ANKRD24: variants seen among roughly 807,000 people sequenced by gnomAD.
ANKRD24 encodes the protein ankyrin repeat domain-containing protein 24.
In ANKRD24, 109 loss-of-function variants were observed where a neutral mutation model predicts 127.8. The ratio of observed to expected loss-of-function variants is 0.85; its 90% CI spans 0.73 to 1.00. The LOEUF (loss-of-function observed/expected upper bound fraction) is 1.00. ANKRD24 is among the 50% of genes least tolerant of loss of function. The pLI is 0.00. For missense variants in ANKRD24, 1,648 were observed against 1,570.2 expected (o/e 1.05, Z -0.84); for synonymous variants, 743 against 671.1 (o/e 1.11, Z -1.66).
Position 4,212,694 on chromosome 19 carries a change from T to C in ANKRD24, c.1193T>C (p.Leu398Pro), listed in dbSNP as rs1295200227. ...VESLQSRLSL[L>P]ENERENTSYD... ...AGTTTGCAGAGCCGGCTGTCCCTGC[T>C]GGAGGTAGGAGCAGTGATGAGTCAG... is the stretch of plus-strand genomic sequence containing the variant. The change falls in exon 15 of 22, where the codon CTG becomes CCG. Residue 398 changes from leucine to proline, a missense_variant. Leu to Pro is a moderately conservative substitution (Grantham distance 98, BLOSUM62 -3). Coordinates refer to ENST00000318934, the MANE Select transcript of ANKRD24 (RefSeq NM_001393985.1). The C allele has an allele frequency of 2.6e-6, 4 of 1,550,584 alleles. No homozygotes were observed. In the Admixed American group the frequency reaches 5.9e-5, roughly 23 times the overall value.
At position 4,224,771 on chromosome 19, in the gene ANKRD24, C is replaced by T. The variant is rs993540185; in HGVS notation, c.*266C>T. On this transcript the variant is annotated 3_prime_UTR_variant, in exon 22 of 22. Transcript: ENST00000318934. ...AGACTGTGATTCCCTGTGTCCTCCACATCCAGACGCCAGCCCAGGAATAAA... is the reference window on the plus strand; with the variant it reads ...AGACTGTGATTCCCTGTGTCCTCCATATCCAGACGCCAGCCCAGGAATAAA... 23 of 521,606 alleles carry T rather than the reference C, an allele frequency of 4.4e-5. No individual in the cohort carries two copies. The highest frequency in any genetic ancestry group is 3.3e-4 in the African/African-American group (17 of 52,260). The allele number at this position is 521,606 out of a possible 1,614,324, so 32.3% of individuals were successfully genotyped here. A position where few individuals can be genotyped will look rare whatever the true frequency, so the allele number is the denominator to read the frequency against.
intron 7 of ANKRD24, among the ~76,000 whole-genome samples, chr19:4,203,331 G>T (rs965068073): frequency 6.6e-6 from 1 of 152,078 alleles, no homozygotes; most frequent in Non-Finnish European, 1.5e-5. Flanking sequence ...TTACAGGCGT[G>T]AGCCACCGCT....
intron 2 of ANKRD24, among the ~76,000 whole-genome samples, chr19:4,197,803 G>T (rs918749303): frequency 9.2e-5 from 14 of 152,150 alleles, no homozygotes; most frequent in Non-Finnish European, 1.8e-4. Context: ...ATAAGTGAAT[G>T]AACGAATGGG....
intron 5 of ANKRD24, among the ~76,000 whole-genome samples, chr19:4,200,680 C>T (rs1454063660): frequency 6.6e-6 from 1 of 152,066 alleles, no homozygotes; most frequent in African/African-American, 2.4e-5. Context: ...CACCACCATG[C>T]CCAGTTAATT....
intron 20 of ANKRD24, 63 bp from the exon 21 acceptor site, chr19:4,224,064 G>A (rs961885829): frequency 7.8e-6 from 11 of 1,409,400 alleles, no homozygotes; most frequent in Non-Finnish European, 1.1e-5. Context: ...GTGCTTTTTG[G>A]TGTGTTTTGC....
At position 4,207,868 on chromosome 19, in the gene ANKRD24, T is replaced by C; in HGVS notation, c.732T>C (p.Asp244=). 6.4e-7 allele frequency: 1 copy of C among 1,561,338 alleles called. No homozygotes were observed. Among genetic ancestry groups the C allele is most frequent in the Non-Finnish European group, 8.7e-7 (1 of 1,155,442 alleles). The change falls in exon 10 of 22, where the codon GAT becomes GAC. Residue 244 remains aspartate, a synonymous_variant. Transcript: ENST00000318934. ...LQGGAQPGIT[D]ALGQDAAHYG... The stretch of plus-strand genomic sequence containing the variant: ...GCGGAGCCCAGCCGGGCATCACCGA[T>C]GCGCTGGGGCAGGACGCGGCTCACT...
intron 7 of ANKRD24, among the ~76,000 whole-genome samples, chr19:4,204,305 C>G (rs1042183153): frequency 6.6e-6 from 1 of 152,090 alleles, no homozygotes; most frequent in African/African-American, 2.4e-5. Context: ...GCACTGGAGC[C>G]CATCATAAAT....
chr19:4,198,282 C>T lies in ANKRD24; in HGVS notation c.37-1401C>T, dbSNP rs1239108077. The T allele has an allele frequency of 4.6e-6, 2 of 434,706 alleles. No homozygotes were observed. Among genetic ancestry groups the T allele is most frequent in the Non-Finnish European group, 8.1e-6 (2 of 245,690 alleles). The allele number at this position is 434,706 out of a possible 1,614,324, so 26.9% of individuals were successfully genotyped here. ...CCCCCAGCCCCCTACCTGGGTCTTC[C>T]CATTCCATCCCGTGGGGGAGGGGGC... On this transcript the variant is annotated intron_variant, in intron 2 of 21. Transcript: ENST00000318934. The surrounding 1 kb of genome is among the most constrained non-coding windows in gnomAD (Gnocchi z 6.1).
chr19:4,218,649 A>G (rs1442877219), intron 18 of ANKRD24, among the ~76,000 whole-genome samples: 4 of 150,632 alleles, frequency 2.7e-5, no homozygotes, highest in African/African-American at 9.8e-5. Flanking sequence ...GGAATTTTCC[A>G]CTTGTGTTTT....
chr19:4,207,371 T>C (rs1206709988), intron 8 of ANKRD24, 59 bp downstream of exon 8: 1 of 1,590,388 alleles, frequency 6.3e-7, no homozygotes, highest in Admixed American at 1.7e-5. Context: ...TGCCACCAAG[T>C]GGCAGTATCT....
chr19:4,209,684 C>T (rs1017722253), intron 11 of ANKRD24, among the ~76,000 whole-genome samples: 1 of 151,922 alleles, frequency 6.6e-6, no homozygotes, highest in Non-Finnish European at 1.5e-5. Flanking sequence ...AACTCCTGAC[C>T]TCAAGTGATC....
At chr19:4,212,007 T>C (rs1969768063) in intron 13 of ANKRD24, among the ~76,000 whole-genome samples, 1 of 152,142 alleles carries the variant, frequency 6.6e-6, no homozygotes, top group Non-Finnish European at 1.5e-5. Context: ...GAGACCATCC[T>C]GGCTAACACC....
At chr19:4,200,284 A>T (rs968775762) in intron 5 of ANKRD24, 113 bp downstream of exon 5, 35 of 1,192,808 alleles carry the variant, frequency 2.9e-5, no homozygotes, top group Non-Finnish European at 1.2e-5. Context: ...AAAAAAGGGG[A>T]GGCTCCCTCT....
rs2145439264 is a variant in ANKRD24 at position 4,224,177 on chromosome 19, C to T, written c.3348C>T (p.Leu1116=). The T allele has an allele frequency of 1.2e-6, 2 of 1,611,924 alleles. No individual in the cohort carries two copies. The highest frequency in any genetic ancestry group is 4.5e-5 in the East Asian group (2 of 44,826). The change falls in exon 21 of 22, where the codon CTC becomes CTT. Residue 1116 remains leucine (L), a synonymous_variant. Transcript: ENST00000318934. Reference sequence around the variant, plus strand: ...TGGTGGCTTTGTACAGAAGCCACCTCCTATATGCCATTCAGGTGAGTGGCC... The same window carrying T: ...TGGTGGCTTTGTACAGAAGCCACCTTCTATATGCCATTCAGGTGAGTGGCC... ...SSVVALYRSH[L]LYAIQGQMDE...
At chr19:4,205,881 G>A (rs1242067653) in intron 7 of ANKRD24, among the ~76,000 whole-genome samples, 1 of 151,786 alleles carries the variant, frequency 6.6e-6, no homozygotes, top group East Asian at 1.9e-4. Context: ...GGTGGCTCAC[G>A]CCTGTAATCC....
chr19:4,220,692 C>T (rs113480717), intron 19 of ANKRD24, among the ~76,000 whole-genome samples: 1 of 151,510 alleles, frequency 6.6e-6, no homozygotes, highest in Non-Finnish European at 1.5e-5. Flanking sequence ...GTAGCTGGGA[C>T]TACAGGCGCC....
rs549984642 is a variant in ANKRD24 at position 4,211,454 on chromosome 19, C to T, written c.1060-1021C>T. 8.0e-3 allele frequency among the ~76,000 whole-genome samples: 1,218 copies of T among 151,918 alleles called. 14 individuals carry two copies. Among genetic ancestry groups the T allele is most frequent in the Non-Finnish European group, 0.012 (804 of 67,962 alleles). On this transcript the variant is annotated intron_variant, in intron 13 of 21. Transcript: ENST00000318934. ...AGGAGTTCGAGACCAGCCTGGCCAA[C>T]ATAGTGAAACCCTGTCTCTACTAAA...
chr19:4,218,136 T>C lies in ANKRD24; in HGVS notation c.2976T>C (p.His992=), dbSNP rs1224299832. Residue 992 remains histidine (H), a synonymous_variant, in exon 18 of 22, where the codon CAT becomes CAC. Coordinates refer to ENST00000318934, the MANE Select transcript of ANKRD24 (RefSeq NM_001393985.1). ...EGQLEELGRR[H]EKTSAEVFQV... is the part of the protein sequence containing the mutation. The stretch of plus-strand genomic sequence containing the variant: ...AGCTGGAGGAGCTGGGACGGCGGCA[T>C]GAGAAGACCAGCGCAGAGGTCTTCC... The C allele has an allele frequency of 1.0e-5, 16 of 1,534,102 alleles. No individual in the cohort carries two copies. Among genetic ancestry groups the C allele is most frequent in the Non-Finnish European group, 1.2e-5 (14 of 1,141,520 alleles).
chr19:4,190,322 C>A (rs1290818403), intron 2 of ANKRD24, among the ~76,000 whole-genome samples: 1 of 151,828 alleles, frequency 6.6e-6, no homozygotes, highest in Non-Finnish European at 1.5e-5. Flanking sequence ...GTAGTCCCAG[C>A]TACTCGGGAG....
Sources: gnomAD v4.1 joint callset for allele counts (sites outside exome capture counted in the v4.1 genomes callset) on GRCh38, gnomAD v4.1.1 for gene constraint, Gnocchi (gnomAD v3.1) non-coding constraint, MANE v1.5 for transcripts, NCBI Gene and HGNC (gene_info 2026-07-23, HGNC 2026-07-21) for gene names.